Variants in NCKAP5 observed in about 807,000 individuals in gnomAD.
NCKAP5 encodes nck-associated protein 5.
Under a neutral mutation model 167.0 loss-of-function variants are expected in NCKAP5, and 92 were observed. The ratio of observed to expected loss-of-function variants is 0.55; its 90% CI spans 0.47 to 0.66. The LOEUF (loss-of-function observed/expected upper bound fraction) is 0.66, where lower values mean the gene tolerates loss of function less well. NCKAP5 is among the 30% of genes least tolerant of loss of function. NCKAP5 has a pLI of 0.00. For synonymous variants in NCKAP5, 891 were observed against 877.4 expected, an observed-to-expected ratio of 1.02 and a Z score of -0.27; for missense variants, 2,378 against 2,315.0, an observed-to-expected ratio of 1.03 and a Z score of -0.56.
rs945672923 is a variant in NCKAP5, at chr2:132,796,709, C to T, written c.828G>A (p.Leu276=). Residue 276 remains leucine, a synonymous_variant, in exon 12 of 20, where the codon TTG becomes TTA. Transcript: ENST00000409261. ...AAAGCAAATCTCCAGATGAAAGATC[C>T]AAGAGACGTGAGTGAAGTTTCTAGG... ...LLLQKLHSRL[L]DLSSGDLLSE... 1.9e-6 allele frequency: 3 copies of T among 1,612,458 alleles called. No homozygotes were observed. Among genetic ancestry groups the T allele is most frequent in the African/African-American group, 2.7e-5 (2 of 74,810 alleles).
At chr2:133,465,990 C>T (rs1212147346) in intron 3 of NCKAP5, among the ~76,000 whole-genome samples, 2 of 151,946 alleles carry the variant, frequency 1.3e-5, no homozygotes, top group Admixed American at 1.3e-4. Context: ...GTTTCTTTTG[C>T]TGTGCAGAAG....
At chr2:133,555,176 C>A (rs1687652778) in intron 2 of NCKAP5, among the ~76,000 whole-genome samples, 1 of 152,166 alleles carries the variant, frequency 6.6e-6, no homozygotes. Flanking sequence ...CTATAATGAA[C>A]CTGCTTTTGC....
chr2:133,315,008 G>A (rs970466848), intron 3 of NCKAP5, among the ~76,000 whole-genome samples: 3 of 152,210 alleles, frequency 2.0e-5, no homozygotes, highest in Non-Finnish European at 2.9e-5. Context: ...CTGGAGTGCA[G>A]AGATGGGGTG....
At chr2:133,146,989 C>G (rs1426924624) in intron 5 of NCKAP5, among the ~76,000 whole-genome samples, 2 of 152,120 alleles carry the variant, frequency 1.3e-5, no homozygotes, top group African/African-American at 2.4e-5. Flanking sequence ...GGTGATATTT[C>G]CTGTCAACAG....
At chr2:132,859,493 G>C (rs1436972523) in intron 11 of NCKAP5, among the ~76,000 whole-genome samples, 3 of 152,122 alleles carry the variant, frequency 2.0e-5, no homozygotes, top group African/African-American at 7.2e-5. Context: ...TTGATGACTG[G>C]AAATGTGGCT....
chr2:132,905,679 A>G (rs1255055391), intron 8 of NCKAP5, among the ~76,000 whole-genome samples: 1 of 152,210 alleles, frequency 6.6e-6, no homozygotes, highest in Non-Finnish European at 1.5e-5. Flanking sequence ...TTTTAAAAAT[A>G]GTATTTTATA....
chr2:133,663,146 G>A, the NCKAP5 span, among the ~76,000 whole-genome samples: 524 of 152,064 alleles, frequency 3.4e-3, 3 homozygotes, highest in African/African-American at 0.012. Context: ...GGCGCCTGTA[G>A]TCCCAGCTAC....
chr2:133,150,424 G>T (rs2083348015), intron 5 of NCKAP5, among the ~76,000 whole-genome samples: 1 of 152,098 alleles, frequency 6.6e-6, no homozygotes, highest in African/African-American at 2.4e-5. Context: ...AGATAAGGGG[G>T]AACTAATATA....
intron 6 of NCKAP5, among the ~76,000 whole-genome samples, chr2:133,076,334 T>G (rs2149575044): frequency 6.6e-6 from 1 of 152,256 alleles, no homozygotes; most frequent in African/African-American, 2.4e-5. Flanking sequence ...CTGGAGGACT[T>G]GAGCATCCAA....
chr2:133,597,473 T>G, the NCKAP5 span, among the ~76,000 whole-genome samples: 13 of 151,850 alleles, frequency 8.6e-5, no homozygotes, highest in South Asian at 1.3e-3. Flanking sequence ...ACCGAGACCA[T>G]CCTGGCTAAC....
intron 16 of NCKAP5, among the ~76,000 whole-genome samples, chr2:132,762,316 G>A (rs1274513611): frequency 6.6e-6 from 1 of 150,416 alleles, no homozygotes; most frequent in Non-Finnish European, 1.5e-5. Context: ...ACAGCTTTCA[G>A]GTTTTTGCGC....
chr2:132,763,478 T>A (rs948373609), intron 16 of NCKAP5, among the ~76,000 whole-genome samples: 5 of 152,224 alleles, frequency 3.3e-5, no homozygotes, highest in African/African-American at 1.2e-4. Flanking sequence ...CACATCAGAA[T>A]CACCTGCGGA....
At chr2:132,718,621 C>T (rs1322263241) in intron 19 of NCKAP5, among the ~76,000 whole-genome samples, 2 of 152,184 alleles carry the variant, frequency 1.3e-5, no homozygotes, top group Non-Finnish European at 2.9e-5. Flanking sequence ...TCATTTTTCT[C>T]TAGCAGTGTC....
chr2:133,605,130 C>A, the NCKAP5 span, among the ~76,000 whole-genome samples: 3 of 152,342 alleles, frequency 2.0e-5, no homozygotes, highest in African/African-American at 7.2e-5. Flanking sequence ...ATGCCTTAAG[C>A]TCCTTAGCAG....
chr2:133,414,404 T>C (rs546527404), intron 3 of NCKAP5, among the ~76,000 whole-genome samples: 42 of 152,282 alleles, frequency 2.8e-4, no homozygotes, highest in African/African-American at 9.6e-4. Context: ...TAAATTACTC[T>C]AGTGGAATCA....
intron 2 of NCKAP5, among the ~76,000 whole-genome samples, chr2:133,522,935 T>C (rs1684592158): frequency 6.6e-6 from 1 of 152,150 alleles, no homozygotes; most frequent in Admixed American, 6.5e-5. Flanking sequence ...CTTCCCTCCG[T>C]GGGGAAGAAA....
rs557340532 is a variant in NCKAP5 at position 133,514,098 on chromosome 2, T to C, written c.69+3360A>G. Among the ~76,000 whole-genome samples the C allele has an allele frequency of 8.8e-4, 134 of 152,306 alleles. 1 individual carries two copies. Among genetic ancestry groups the C allele is most frequent in the African/African-American group, 3.0e-3 (126 of 41,566 alleles). Reference sequence around the variant, plus strand: ...TCGATTTCTGGGGTGATTTTTATCGTTATCAGAGAGTAGACTGTACTTGCC... The same window carrying C: ...TCGATTTCTGGGGTGATTTTTATCGCTATCAGAGAGTAGACTGTACTTGCC... On this transcript the variant is annotated intron_variant, in intron 3 of 19. Coordinates refer to ENST00000409261, the MANE Select transcript of NCKAP5 (RefSeq NM_207363.3).
the NCKAP5 span, among the ~76,000 whole-genome samples, chr2:133,652,978 G>A: frequency 6.6e-6 from 1 of 152,144 alleles, no homozygotes; most frequent in Non-Finnish European, 1.5e-5. Context: ...TGATGCAGAT[G>A]AACACGAAAT....
intron 6 of NCKAP5, among the ~76,000 whole-genome samples, chr2:133,119,834 CAATAT>C (rs2082196725): frequency 6.6e-6 from 1 of 151,236 alleles, no homozygotes; most frequent in African/African-American, 2.4e-5. Context: ...TTTTAAGCTT[CAATAT>C]AATATTTATT....
Sources: gnomAD v4.1 joint callset for allele counts (sites outside exome capture counted in the v4.1 genomes callset) on GRCh38, gnomAD v4.1.1 for gene constraint, MANE v1.5 for transcripts, NCBI Gene and HGNC (gene_info 2026-07-23, HGNC 2026-07-21) for gene names.